The following SPRED2 variants were observed in gnomAD, a reference collection of about 807,000 sequenced individuals.
SPRED2 encodes the protein sprouty-related, EVH1 domain-containing protein 2.
In SPRED2, 47 loss-of-function variants were observed where a neutral mutation model predicts 43.0. The observed-to-expected ratio is 1.09, with a 90% CI of 0.87 to 1.40. SPRED2 has a LOEUF of 1.40. SPRED2 is among the 40% of genes most tolerant of loss of function. The pLI is 0.00. For synonymous variants in SPRED2, 225 were observed against 225.7 expected (o/e 1.00, Z 0.03); for missense variants, 561 against 586.4 (o/e 0.96, Z 0.45).
Position 65,432,214 on chromosome 2 carries a change from G to T in SPRED2, c.-227C>A. On this transcript the variant is annotated 5_prime_UTR_variant, in exon 1 of 6. Coordinates refer to ENST00000356388, the MANE Select transcript of SPRED2 (RefSeq NM_181784.3). ...CGCGGGGAGTGAACGCCGCAGCGCC[G>T]TGGGGAGAGGCGGGCGGAGGCTCCG... The T allele has an allele frequency of 1.8e-6, 1 of 569,242 alleles. No individual in the cohort carries two copies. The highest frequency in any genetic ancestry group is 3.1e-6 in the Non-Finnish European group (1 of 319,684). The allele number at this position is 569,242 out of a possible 1,614,324, so 35.3% of individuals were successfully genotyped here.
chr2:65,432,237 C>T lies in SPRED2; in HGVS notation c.-250G>A. 1.9e-6 allele frequency: 1 copy of T among 529,026 alleles called. No individual in the cohort carries two copies. Among genetic ancestry groups the T allele is most frequent in the Non-Finnish European group, 3.4e-6 (1 of 293,854 alleles). The allele number at this position is 529,026 out of a possible 1,614,324, so 32.8% of individuals were successfully genotyped here. On this transcript the variant is annotated 5_prime_UTR_variant, in exon 1 of 6. Coordinates refer to ENST00000356388, the MANE Select transcript of SPRED2 (RefSeq NM_181784.3). ...CCGTGGGGAGAGGCGGGCGGAGGCT[C>T]CGGGGGCTCGGGAGCGGGCAGAGGG...
At chr2:65,431,172 G>T (rs1458087107) in intron 1 of SPRED2, among the ~76,000 whole-genome samples, 1 of 151,544 alleles carries the variant, frequency 6.6e-6, no homozygotes, top group Non-Finnish European at 1.5e-5. Flanking sequence ...GGGCCCGCGG[G>T]CCAGGCACAA....
intron 1 of SPRED2, among the ~76,000 whole-genome samples, chr2:65,378,821 G>C (rs1466555558): frequency 6.6e-6 from 1 of 152,122 alleles, no homozygotes; most frequent in African/African-American, 2.4e-5. Flanking sequence ...TAATTGTTTG[G>C]GGTACAGCCT....
chr2:65,340,957 G>T (rs1294475149), intron 2 of SPRED2, among the ~76,000 whole-genome samples: 2 of 151,728 alleles, frequency 1.3e-5, no homozygotes, highest in Non-Finnish European at 2.9e-5. Context: ...CCATGTGGGC[G>T]CATGGTCTCC....
intron 3 of SPRED2, among the ~76,000 whole-genome samples, chr2:65,333,055 C>T (rs1391950999): frequency 6.6e-6 from 1 of 152,074 alleles, no homozygotes; most frequent in Non-Finnish European, 1.5e-5. Context: ...ATCACGAGGT[C>T]AGGAGTTCAA....
At chr2:65,361,632 G>C (rs778284574) in intron 1 of SPRED2, among the ~76,000 whole-genome samples, 16 of 152,168 alleles carry the variant, frequency 1.1e-4, no homozygotes, top group Non-Finnish European at 2.2e-4. Flanking sequence ...ATAATCACAA[G>C]AATTTCCTGA....
At chr2:65,326,480 C>T (rs945475504) in intron 4 of SPRED2, among the ~76,000 whole-genome samples, 4 of 152,192 alleles carry the variant, frequency 2.6e-5, no homozygotes, top group Non-Finnish European at 5.9e-5. Flanking sequence ...AAAGAGACAG[C>T]AGATCAGGAA....
chr2:65,366,798 C>T, intron 1 of SPRED2: 2 of 1,309,052 alleles, frequency 1.5e-6, no homozygotes, highest in Non-Finnish European at 1.9e-6. Context: ...GAGGGTTAGT[C>T]CGCATTTTAT....
chr2:65,315,469 A>G (rs1673206423), intron 5 of SPRED2, among the ~76,000 whole-genome samples: 1 of 152,174 alleles, frequency 6.6e-6, no homozygotes, highest in Non-Finnish European at 1.5e-5. Context: ...GGGCAGGGCC[A>G]TGTCCCACAC....
chr2:65,332,206 T>G, intron 3 of SPRED2, 155 bp from the exon 4 acceptor site: 1 of 498,366 alleles, frequency 2.0e-6, no homozygotes. Flanking sequence ...TGCTTTTAAT[T>G]TACTCTTCTT....
chr2:65,421,381 C>CGTGATGGGCCTCT (rs1676418789), intron 1 of SPRED2, among the ~76,000 whole-genome samples: 1 of 152,164 alleles, frequency 6.6e-6, no homozygotes, highest in Non-Finnish European at 1.5e-5. Context: ...ACCATCACAG[C>CGTGATGGGCCTCT]CATGGATAAG....
At chr2:65,430,413 C>T (rs907276159) in intron 1 of SPRED2, among the ~76,000 whole-genome samples, 4 of 152,160 alleles carry the variant, frequency 2.6e-5, no homozygotes, top group African/African-American at 9.7e-5. Context: ...AACTGAAATT[C>T]CCTTTCCCAA....
At chr2:65,334,389 A>G (rs946424168) in intron 3 of SPRED2, 4 of 638,766 alleles carry the variant, frequency 6.3e-6, no homozygotes, top group Non-Finnish European at 8.7e-6. Flanking sequence ...CTAAAAATCA[A>G]TTGGGATTAC....
Position 65,432,098 on chromosome 2 carries a change from G to C in SPRED2, c.-111C>G, listed in dbSNP as rs550664146. The stretch of plus-strand genomic sequence containing the variant: ...TCCGGAGATCGCCTGATTTGGGGAG[G>C]GGGGGCGGCTAGAGATGAAGAGGGC... On this transcript the variant is annotated 5_prime_UTR_variant, in exon 1 of 6. Coordinates refer to ENST00000356388, the MANE Select transcript of SPRED2 (RefSeq NM_181784.3). 2.3e-5 allele frequency: 33 copies of C among 1,426,252 alleles called. No individual in the cohort carries two copies. The East Asian group carries it at 5.2e-4, about 22-fold the overall frequency. The allele number at this position is 1,426,252 out of a possible 1,614,324, so 88.3% of individuals were successfully genotyped here. A position where few individuals can be genotyped will look rare whatever the true frequency, so the allele number is the denominator to read the frequency against.
chr2:65,377,539 CAT>C (rs1675270843), intron 1 of SPRED2: 1 of 470,760 alleles, frequency 2.1e-6, no homozygotes, highest in Admixed American at 2.3e-5. Flanking sequence ...TGTTCGGTCT[CAT>C]AGAGGGGGAA....
At chr2:65,387,813 T>TTTTTTTTTTG in intron 1 of SPRED2, among the ~76,000 whole-genome samples, 1 of 152,002 alleles carries the variant, frequency 6.6e-6, no homozygotes. Context: ...CTTTTTTTTT[T>TTTTTTTTTTG]TGAGAGTTTG....
At chr2:65,347,503 G>C (rs1340797849) in intron 1 of SPRED2, among the ~76,000 whole-genome samples, 2 of 152,100 alleles carry the variant, frequency 1.3e-5, no homozygotes, top group African/African-American at 4.8e-5. Context: ...AGTTGCTTTA[G>C]TTTCACTGAG....
intron 1 of SPRED2, among the ~76,000 whole-genome samples, chr2:65,365,907 A>G (rs1255396090): frequency 1.3e-5 from 2 of 152,166 alleles, no homozygotes; most frequent in African/African-American, 2.4e-5. Context: ...CCAATTATGC[A>G]GAATGATCCT....
At chr2:65,379,166 A>C (rs1675312156) in intron 1 of SPRED2, among the ~76,000 whole-genome samples, 1 of 152,174 alleles carries the variant, frequency 6.6e-6, no homozygotes, top group African/African-American at 2.4e-5. Context: ...CCAGATGAGA[A>C]GTGACTTTTT....
Sources: allele counts gnomAD v4.1 joint callset (sites outside exome capture counted in the v4.1 genomes callset), GRCh38; gene constraint gnomAD v4.1.1; transcripts MANE v1.5; gene names NCBI Gene and HGNC (gene_info 2026-07-23, HGNC 2026-07-21).